Variants in WDR41 observed in about 807,000 individuals in gnomAD.
WDR41 encodes the protein WD repeat-containing protein 41.
A neutral mutation model predicts 69.3 loss-of-function variants in WDR41; 63 were observed. The observed-to-expected ratio is 0.91, with a 90% CI of 0.74 to 1.12. The LOEUF is 1.12. WDR41 is among the 50% of genes most tolerant of loss of function. WDR41 has a pLI of 0.00. For synonymous variants in WDR41, 185 were observed against 192.1 expected (o/e 0.96, Z 0.31); for missense variants, 543 against 534.5 (o/e 1.02, Z -0.16).
At position 77,463,052 on chromosome 5, in the gene WDR41, T is replaced by C. The variant is rs183354975; in HGVS notation, c.348+43A>G. On this transcript the variant is annotated intron_variant, in intron 4 of 12. Transcript: ENST00000296679. ...ACTAATAGTGTATGTAGTGGCTCCT[T>C]AGGCCACTACAGCTTGTTCATTTCT... 4.2e-4 allele frequency: 665 copies of C among 1,600,032 alleles called. 3 individuals are homozygous for C. Among genetic ancestry groups the C allele is most frequent in the Middle Eastern group, 2.8e-3 (17 of 6,004 alleles).
chr5:77,457,765 A>G (rs1007947632), intron 5 of WDR41, among the ~76,000 whole-genome samples: 1 of 152,042 alleles, frequency 6.6e-6, no homozygotes, highest in African/African-American at 2.4e-5. Flanking sequence ...TAAACTATCT[A>G]TTCAAGAACA....
rs1744391533 is a variant in WDR41 at position 77,605,068 on chromosome 5, T to C, written c.42+15411A>G. 2.0e-5 allele frequency among the ~76,000 whole-genome samples: 3 copies of C among 152,160 alleles called. No homozygotes were observed. In the South Asian group the frequency reaches 6.2e-4, roughly 31 times the overall value. On this transcript the variant is annotated intron_variant, in intron 1 of 5. Coordinates refer to the WDR41 transcript ENST00000509971. ...GGAAGGCTTTCTACTATAGACTCTTTTATATTTTAATTGTTAACCATTCTA... is the reference window on the plus strand; with the variant it reads ...GGAAGGCTTTCTACTATAGACTCTTCTATATTTTAATTGTTAACCATTCTA...
intron 1 of WDR41, among the ~76,000 whole-genome samples, chr5:77,585,035 C>A (rs1744012655): frequency 1.3e-5 from 2 of 151,872 alleles, no homozygotes; most frequent in Admixed American, 6.6e-5. Context: ...AGTAAACAGA[C>A]AACTCACACA....
intron 2 of WDR41, among the ~76,000 whole-genome samples, chr5:77,472,724 G>C (rs1228270687): frequency 6.6e-6 from 1 of 151,918 alleles, no homozygotes; most frequent in Non-Finnish European, 1.5e-5. Flanking sequence ...GGATGGGAAG[G>C]ACCTCTTCAA....
chr5:77,459,473 G>A (rs1163218109), intron 4 of WDR41, among the ~76,000 whole-genome samples: 1 of 152,026 alleles, frequency 6.6e-6, no homozygotes, highest in African/African-American at 2.4e-5. Flanking sequence ...TAAGCATAAA[G>A]TACTTATACC....
rs556323518 is a variant in WDR41, at chr5:77,474,278, C to A, written c.168-9469G>T. 5.6e-3 allele frequency among the ~76,000 whole-genome samples: 844 copies of A among 151,516 alleles called. 4 individuals carry two copies. Among genetic ancestry groups the A allele is most frequent in the Non-Finnish European group, 9.9e-3 (668 of 67,736 alleles). ...GGAAGGAGAACATCACACACCAGGGCCTGTTGTGGGGTGGGGGGAGTGGGG... is the reference window on the plus strand; with the variant it reads ...GGAAGGAGAACATCACACACCAGGGACTGTTGTGGGGTGGGGGGAGTGGGG... On this transcript the variant is annotated intron_variant, in intron 2 of 12. Transcript: ENST00000296679.
chr5:77,510,254 G>A (rs6878194), intron 1 of WDR41, among the ~76,000 whole-genome samples: 8,194 of 152,172 alleles, frequency 0.054, 707 homozygotes, highest in African/African-American at 0.18. Flanking sequence ...AGAAACTCCC[G>A]TTTTTAAAAC....
chr5:77,502,523 C>T (rs1042929506), intron 1 of WDR41, among the ~76,000 whole-genome samples: 11 of 152,048 alleles, frequency 7.2e-5, no homozygotes, highest in Non-Finnish European at 7.4e-5. Flanking sequence ...TAGATAACAC[C>T]ACAAAGATAC....
intron 1 of WDR41, among the ~76,000 whole-genome samples, chr5:77,547,067 AG>A (rs1743212492): frequency 6.6e-6 from 1 of 152,102 alleles, no homozygotes; most frequent in Admixed American, 6.5e-5. Context: ...CAACAAAATC[AG>A]CATCCCTTTA....
At chr5:77,501,803 G>C (rs960263087) in intron 1 of WDR41, among the ~76,000 whole-genome samples, 8 of 152,096 alleles carry the variant, frequency 5.3e-5, no homozygotes, top group African/African-American at 1.7e-4. Context: ...CTGACTGTTA[G>C]AATGAAAGCT....
Position 77,538,679 on chromosome 5 carries a change from T to C in WDR41, c.43-49107A>G, listed in dbSNP as rs182431713. On this transcript the variant is annotated intron_variant, in intron 1 of 5. Coordinates refer to the WDR41 transcript ENST00000509971. ...CATAAGATTCCAAAAAGACAGGATT[T>C]CATTCTTTAAAAATGTACATTGAAG... Among the ~76,000 whole-genome samples the C allele has an allele frequency of 3.3e-4, 50 of 152,322 alleles. 1 individual carries two copies. The highest frequency in any genetic ancestry group is 8.8e-5 in the Non-Finnish European group (6 of 68,020).
chr5:77,469,770 G>A (rs909043436), intron 2 of WDR41, among the ~76,000 whole-genome samples: 11 of 151,950 alleles, frequency 7.2e-5, no homozygotes, highest in African/African-American at 2.7e-4. Context: ...AAGAAATATG[G>A]GACTATGTGA....
At chr5:77,526,742 C>CT (rs1802452495) in intron 1 of WDR41, among the ~76,000 whole-genome samples, 1 of 152,042 alleles carries the variant, frequency 6.6e-6, no homozygotes, top group Non-Finnish European at 1.5e-5. Flanking sequence ...TTAAAAAGGC[C>CT]TTTTTATATC....
upstream of WDR41, among the ~76,000 whole-genome samples, chr5:77,495,805 A>C (rs78396068): frequency 6.6e-6 from 1 of 151,730 alleles, no homozygotes; most frequent in Non-Finnish European, 1.5e-5. Context: ...CCAGAAAAAA[A>C]ATCACAAAAA....
chr5:77,500,004 G>A (rs1019519330), intron 1 of WDR41, among the ~76,000 whole-genome samples: 12 of 152,062 alleles, frequency 7.9e-5, no homozygotes, highest in Admixed American at 7.9e-4. Flanking sequence ...TTAAAACCAA[G>A]TTTCATAGTG....
intron 8 of WDR41, 116 bp from the exon 9 acceptor site, chr5:77,441,113 T>C: frequency 1.9e-6 from 2 of 1,073,036 alleles, no homozygotes; most frequent in Non-Finnish European, 1.3e-6. Context: ...AACAGTGAGG[T>C]ACCTAGGCAA....
intron 1 of WDR41, among the ~76,000 whole-genome samples, chr5:77,617,753 A>G (rs752021644): frequency 6.6e-6 from 1 of 152,210 alleles, no homozygotes; most frequent in Non-Finnish European, 1.5e-5. Context: ...ACAGGTTATA[A>G]ATGGATTTTG....
intron 1 of WDR41, among the ~76,000 whole-genome samples, chr5:77,533,696 C>A (rs1056518045): frequency 6.6e-6 from 1 of 152,074 alleles, no homozygotes; most frequent in African/African-American, 2.4e-5. Context: ...ATTCTCCACT[C>A]CTAAGGTTCA....
chr5:77,447,308 CTG>C (rs1799422847), intron 8 of WDR41, among the ~76,000 whole-genome samples: 1 of 152,160 alleles, frequency 6.6e-6, no homozygotes, highest in South Asian at 2.1e-4. Context: ...CATTTTTACA[CTG>C]TTGGTGGGAG....
Sources: allele counts gnomAD v4.1 joint callset (sites outside exome capture counted in the v4.1 genomes callset), GRCh38; gene constraint gnomAD v4.1.1; transcripts MANE v1.5; gene names NCBI Gene and HGNC (gene_info 2026-07-23, HGNC 2026-07-21).